SULF2: variants seen among roughly 807,000 people sequenced by gnomAD.
SULF2 encodes the protein sulfatase 2.
Under a neutral mutation model 107.7 loss-of-function variants are expected in SULF2, and 52 were observed. The observed-to-expected ratio is 0.48, with a 90% CI of 0.39 to 0.61. The LOEUF (loss-of-function observed/expected upper bound fraction) is 0.61. SULF2 is among the 20% of genes least tolerant of loss of function. The pLI is 0.00. For missense variants in SULF2, 993 were observed against 1,177.3 expected, an observed-to-expected ratio of 0.84 and a Z score of 2.29; for synonymous variants, 460 against 464.3, an observed-to-expected ratio of 0.99 and a Z score of 0.12.
intron 4 of SULF2, among the ~76,000 whole-genome samples, chr20:47,701,827 C>T (rs1438806061): frequency 2.6e-5 from 4 of 152,100 alleles, no homozygotes; most frequent in African/African-American, 2.4e-5. Flanking sequence ...TCGTTATCCT[C>T]GCGGGAGGGG....
chr20:47,663,270 A>G, intron 16 of SULF2, 58 bp from the exon 17 acceptor site: 2 of 1,607,794 alleles, frequency 1.2e-6, no homozygotes, highest in South Asian at 2.2e-5. Flanking sequence ...CCATCTGCCA[A>G]CAGTGATTCC....
intron 3 of SULF2, among the ~76,000 whole-genome samples, chr20:47,722,511 C>A (rs1188908692): frequency 6.6e-6 from 1 of 152,114 alleles, no homozygotes; most frequent in Admixed American, 6.5e-5. Flanking sequence ...ATCCTCCCAC[C>A]ACAGCCTCCC....
chr20:47,735,921 C>A (rs2089718748), intron 3 of SULF2, among the ~76,000 whole-genome samples: 1 of 152,194 alleles, frequency 6.6e-6, no homozygotes, highest in South Asian at 2.1e-4. Flanking sequence ...TTGGATGCAA[C>A]TTCCTGGGGT....
chr20:47,674,276 A>G (rs1420211156), intron 10 of SULF2, among the ~76,000 whole-genome samples: 2 of 152,200 alleles, frequency 1.3e-5, no homozygotes, highest in Non-Finnish European at 2.9e-5. Flanking sequence ...CCTGAGCCCC[A>G]CAGGGCTGGG....
chr20:47,771,312 G>A (rs1452339860), intron 1 of SULF2, among the ~76,000 whole-genome samples: 4 of 152,176 alleles, frequency 2.6e-5, no homozygotes, highest in African/African-American at 9.7e-5. Flanking sequence ...GGGCAGGAGG[G>A]TGAACTGAAG....
intron 3 of SULF2, among the ~76,000 whole-genome samples, chr20:47,711,730 C>T (rs1262597050): frequency 6.6e-6 from 1 of 152,194 alleles, no homozygotes. Flanking sequence ...AATTTGTCCT[C>T]ATATTTTGGA....
chr20:47,755,914 CT>C (rs60027908), intron 2 of SULF2, among the ~76,000 whole-genome samples: 38,911 of 147,158 alleles, frequency 0.26, 5,742 homozygotes, highest in Non-Finnish European at 0.34. Flanking sequence ...CTCCCTGGCA[CT>C]TTTTTTTTTT....
At chr20:47,744,710 C>T (rs2089967116) in intron 2 of SULF2, among the ~76,000 whole-genome samples, 1 of 152,132 alleles carries the variant, frequency 6.6e-6, no homozygotes, top group African/African-American at 2.4e-5. Flanking sequence ...GTTGTGGCCA[C>T]ATATCACCTG....
In SULF2 at chr20:47,687,105, C is replaced by T. The variant is rs564522484; in HGVS notation, c.738-2524G>A. ...ATTCCAGGATGCAATTTTCAGCAAT[C>T]ATCCCTGAATCCATGAGAAGTTAGG... On this transcript the variant is annotated intron_variant, in intron 5 of 20. Coordinates refer to ENST00000688720, the MANE Select transcript of SULF2 (RefSeq NM_001387048.1). 7.2e-5 allele frequency among the ~76,000 whole-genome samples: 11 copies of T among 152,350 alleles called. No homozygotes were observed. In the East Asian group the frequency reaches 1.9e-3, roughly 27 times the overall value.
intron 3 of SULF2, among the ~76,000 whole-genome samples, chr20:47,704,471 C>T (rs944709285): frequency 1.3e-5 from 2 of 152,076 alleles, no homozygotes; most frequent in Non-Finnish European, 2.9e-5. Context: ...AGGGGTCTCG[C>T]CATGCTGCAC....
chr20:47,756,500 C>T (rs1202006052), intron 2 of SULF2, among the ~76,000 whole-genome samples: 2 of 152,168 alleles, frequency 1.3e-5, no homozygotes, highest in East Asian at 3.8e-4. Context: ...CCTAGTCAAC[C>T]TTCACATTTG....
intron 2 of SULF2, among the ~76,000 whole-genome samples, chr20:47,738,133 G>A (rs890703379): frequency 6.6e-6 from 1 of 152,212 alleles, no homozygotes. Context: ...AAATGAACGT[G>A]TGTGGGAGCC....
chr20:47,765,351 T>TA (rs71183276), intron 1 of SULF2, among the ~76,000 whole-genome samples: 3,900 of 122,834 alleles, frequency 0.032, 191 homozygotes, highest in African/African-American at 0.11. Context: ...GACACTGCCT[T>TA]AAAAAAAAAC....
intron 2 of SULF2, among the ~76,000 whole-genome samples, chr20:47,745,422 T>C (rs866299257): frequency 2.1e-4 from 1 of 4,708 alleles, no homozygotes; most frequent in Non-Finnish European, 4.2e-4. Flanking sequence ...TATATATATA[T>C]ATATATATAT....
intron 4 of SULF2, among the ~76,000 whole-genome samples, chr20:47,702,186 T>C (rs1473595087): frequency 6.6e-6 from 1 of 152,186 alleles, no homozygotes; most frequent in Non-Finnish European, 1.5e-5. Flanking sequence ...GCCTCTCTAG[T>C]AGCTGGGTCC....
intron 3 of SULF2, among the ~76,000 whole-genome samples, chr20:47,717,124 A>G (rs553877953): frequency 2.7e-4 from 41 of 152,374 alleles, no homozygotes; most frequent in Non-Finnish European, 4.7e-4. Flanking sequence ...ACCAGAAGGA[A>G]AATGACGGTA....
chr20:47,736,279 A>G (rs1364834829), intron 3 of SULF2, among the ~76,000 whole-genome samples: 1 of 152,086 alleles, frequency 6.6e-6, no homozygotes. Context: ...ACACAGCCCC[A>G]TTATCTGTTC....
intron 1 of SULF2, among the ~76,000 whole-genome samples, chr20:47,761,866 T>C (rs1341661774): frequency 6.6e-6 from 1 of 152,238 alleles, no homozygotes; most frequent in East Asian, 1.9e-4. Context: ...AATTCCCACG[T>C]GTTGTGGGAG....
intron 1 of SULF2, among the ~76,000 whole-genome samples, chr20:47,760,941 A>G (rs1315309881): frequency 6.6e-6 from 1 of 152,192 alleles, no homozygotes; most frequent in Non-Finnish European, 1.5e-5. Flanking sequence ...ATGGTTAAGG[A>G]TGTGGACTTT....
Sources: gnomAD v4.1 joint callset for allele counts (sites outside exome capture counted in the v4.1 genomes callset) on GRCh38, gnomAD v4.1.1 for gene constraint, MANE v1.5 for transcripts, NCBI Gene and HGNC (gene_info 2026-07-23, HGNC 2026-07-21) for gene names.